NPLOC4: variants seen among roughly 807,000 people sequenced by gnomAD.
NPLOC4 encodes the protein NPL4 homolog, ubiquitin recognition factor.
A neutral mutation model predicts 80.6 loss-of-function variants in NPLOC4; 18 were observed. The ratio of observed to expected loss-of-function variants is 0.22; its 90% confidence interval spans 0.15 to 0.33. NPLOC4 has a LOEUF of 0.33. Among genes scored for constraint, NPLOC4 ranks in the 10% least tolerant of loss-of-function variants. The pLI is 1.00. For synonymous variants in NPLOC4, 313 were observed against 301.5 expected, an observed-to-expected ratio of 1.04 and a Z score of -0.39; for missense variants, 540 against 786.1, an observed-to-expected ratio of 0.69 and a Z score of 3.74.
chr17:81,637,085 G>A lies in NPLOC4; in HGVS notation c.-155C>T, dbSNP rs1191025535. ...CTTCGCCCGCCCGGCTCCGCCAGCC[G>A]CCGACGTCCCGGTGCCTCGCTCAAT... On this transcript the variant is annotated 5_prime_UTR_variant, in exon 1 of 17. Transcript: ENST00000331134. 5.4e-6 allele frequency: 2 copies of A among 369,718 alleles called. No homozygotes were observed. The highest frequency in any genetic ancestry group is 9.1e-6 in the Non-Finnish European group (2 of 218,712). The allele number at this position is 369,718 out of a possible 1,614,324, so 22.9% of individuals were successfully genotyped here.
At chr17:81,611,959 CAAA>C (rs11401963) in intron 4 of NPLOC4, among the ~76,000 whole-genome samples, 8 of 104,260 alleles carry the variant, frequency 7.7e-5, no homozygotes, top group Admixed American at 4.2e-4. Flanking sequence ...GAGTCCATCT[CAAA>C]AAAAAAAAAA....
At chr17:81,583,213 T>C (rs1371088949) in intron 12 of NPLOC4, among the ~76,000 whole-genome samples, 1 of 152,272 alleles carries the variant, frequency 6.6e-6, no homozygotes, top group African/African-American at 2.4e-5. Flanking sequence ...ATTTTGAAGA[T>C]ATACAAAGAT....
intron 12 of NPLOC4, among the ~76,000 whole-genome samples, chr17:81,582,462 T>C (rs560471073): frequency 6.6e-6 from 1 of 152,300 alleles, no homozygotes; most frequent in East Asian, 1.9e-4. Context: ...AGTACAGTGG[T>C]ACAATCATAG....
chr17:81,606,065 G>T (rs371459339), intron 7 of NPLOC4, among the ~76,000 whole-genome samples: 1 of 151,344 alleles, frequency 6.6e-6, no homozygotes, highest in Non-Finnish European at 1.5e-5. Flanking sequence ...CAGGTGATCC[G>T]CCCACCTCAA....
intron 3 of NPLOC4, among the ~76,000 whole-genome samples, chr17:81,619,903 C>T (rs1295488762): frequency 2.6e-5 from 4 of 151,312 alleles, no homozygotes; most frequent in African/African-American, 9.7e-5. Flanking sequence ...GGTGGGGGTA[C>T]AGCACCCCAT....
chr17:81,596,869 C>T (rs1351412111), intron 10 of NPLOC4, among the ~76,000 whole-genome samples: 5 of 152,114 alleles, frequency 3.3e-5, no homozygotes, highest in Non-Finnish European at 7.4e-5. Context: ...AATCCCAGCA[C>T]TCTGGGAGGC....
At chr17:81,598,514 C>T (rs755654201) in intron 9 of NPLOC4, among the ~76,000 whole-genome samples, 37 of 152,160 alleles carry the variant, frequency 2.4e-4, no homozygotes, top group Non-Finnish European at 4.7e-4. Flanking sequence ...GCACATAATA[C>T]AAAAGGGGTA....
chr17:81,628,795 G>A (rs2035861530), intron 2 of NPLOC4, among the ~76,000 whole-genome samples: 1 of 152,110 alleles, frequency 6.6e-6, no homozygotes, highest in African/African-American at 2.4e-5. Flanking sequence ...AAACTGTCAT[G>A]GGAATCCTGG....
intron 7 of NPLOC4, among the ~76,000 whole-genome samples, chr17:81,605,048 C>G (rs1450882588): frequency 6.6e-6 from 1 of 151,848 alleles, no homozygotes; most frequent in Non-Finnish European, 1.5e-5. Context: ...ATCATGAGGT[C>G]AGGAGATCAA....
chr17:81,578,641 C>T (rs914684444), intron 12 of NPLOC4, among the ~76,000 whole-genome samples: 11 of 152,102 alleles, frequency 7.2e-5, no homozygotes, highest in Admixed American at 4.6e-4. Context: ...AGAGAAGTGC[C>T]GAGCAAAGGG....
At chr17:81,570,861 T>TC (rs1486486398) in intron 13 of NPLOC4, among the ~76,000 whole-genome samples, 1 of 152,162 alleles carries the variant, frequency 6.6e-6, no homozygotes, top group Non-Finnish European at 1.5e-5. Flanking sequence ...AGCCTGGGCA[T>TC]CACAGAGCAG....
In NPLOC4 at chr17:81,567,556, G is replaced by A. The variant is rs756854746; in HGVS notation, c.1450-23C>T. The A allele has an allele frequency of 1.7e-4, 249 of 1,450,604 alleles. No individual in the cohort carries two copies. Among genetic ancestry groups the A allele is most frequent in the Non-Finnish European group, 2.3e-4 (235 of 1,036,464 alleles). The allele number at this position is 1,450,604 out of a possible 1,614,324, so 89.9% of individuals were successfully genotyped here. A position where few individuals can be genotyped will look rare whatever the true frequency, so the allele number is the denominator to read the frequency against. On this transcript the variant is annotated intron_variant, in intron 14 of 16. Coordinates refer to ENST00000331134, the MANE Select transcript of NPLOC4 (RefSeq NM_017921.4). This position sits in a 1 kb window ranked among gnomAD's most constrained non-coding sequence, Gnocchi z 4.5. Reference sequence around the variant, plus strand: ...GTCCTAGAGGAATGGGAATAAACATGAATGTTCCATACAGTTCCCCAGTGC... The same window carrying A: ...GTCCTAGAGGAATGGGAATAAACATAAATGTTCCATACAGTTCCCCAGTGC...
chr17:81,623,860 A>G (rs1349136037), intron 2 of NPLOC4, among the ~76,000 whole-genome samples: 1 of 152,166 alleles, frequency 6.6e-6, no homozygotes, highest in Admixed American at 6.5e-5. Context: ...CGACTAAATC[A>G]TAAAACGTCC....
intron 12 of NPLOC4, among the ~76,000 whole-genome samples, chr17:81,579,967 C>T (rs2034396403): frequency 6.6e-6 from 1 of 152,114 alleles, no homozygotes; most frequent in Admixed American, 6.5e-5. Flanking sequence ...CTCATCAAAG[C>T]TCCCAACACC....
intron 7 of NPLOC4, 75 bp downstream of exon 7, chr17:81,606,616 A>G (rs1347246640): frequency 2.6e-6 from 4 of 1,523,652 alleles, no homozygotes; most frequent in Non-Finnish European, 3.6e-6. Context: ...ATAGCATTCC[A>G]CTCCAAGGGG....
At chr17:81,616,836 C>T (rs1257665312) in intron 3 of NPLOC4, among the ~76,000 whole-genome samples, 4 of 152,014 alleles carry the variant, frequency 2.6e-5, no homozygotes, top group African/African-American at 7.3e-5. Flanking sequence ...ATTATGAGAC[C>T]GAATATCAAC....
Position 81,567,598 on chromosome 17 carries a change from G to T in NPLOC4, c.1450-65C>A. ...CCCCAGTGCCAGACCCCGAAACAGA[G>T]CTGTTTCCTACTAAGACGCAACTCA... On this transcript the variant is annotated intron_variant, in intron 14 of 16. Transcript: ENST00000331134. This position sits in a 1 kb window ranked among gnomAD's most constrained non-coding sequence, Gnocchi z 4.5. The T allele has an allele frequency of 1.0e-6, 1 of 975,600 alleles. No individual in the cohort carries two copies. The highest frequency in any genetic ancestry group is 1.6e-6 in the Non-Finnish European group (1 of 622,552). 60.4% of individuals were successfully genotyped at this position (975,600 alleles called of 1,614,324 possible). A position where few individuals can be genotyped will look rare whatever the true frequency, so the allele number is the denominator to read the frequency against.
At position 81,558,004 on chromosome 17, in the gene NPLOC4, C is replaced by G. The variant is rs2033699713; in HGVS notation, c.*1255G>C. On this transcript the variant is annotated 3_prime_UTR_variant, in exon 17 of 17. Transcript: ENST00000331134. ...CTAAGCAGTCTGCAGCTGGGCCAGCCTCTCCCGTGGGTGCAGAGCAGCCCA... is the reference window on the plus strand; with the variant it reads ...CTAAGCAGTCTGCAGCTGGGCCAGCGTCTCCCGTGGGTGCAGAGCAGCCCA... 6.6e-6 allele frequency: 1 copy of G among 152,570 alleles called. No individual in the cohort carries two copies. Among genetic ancestry groups the G allele is most frequent in the Admixed American group, 6.5e-5 (1 of 15,288 alleles). The allele number at this position is 152,570 out of a possible 1,614,324, so 9.5% of individuals were successfully genotyped here.
intron 2 of NPLOC4, among the ~76,000 whole-genome samples, chr17:81,622,831 G>A (rs899903019): frequency 5.9e-5 from 9 of 152,058 alleles, no homozygotes; most frequent in Middle Eastern, 3.2e-3. Context: ...GATTACAGGC[G>A]TGAGCCACCA....
Sources: allele counts gnomAD v4.1 joint callset (sites outside exome capture counted in the v4.1 genomes callset), GRCh38; gene constraint gnomAD v4.1.1; non-coding constraint Gnocchi (gnomAD v3.1); transcripts MANE v1.5; gene names NCBI Gene and HGNC (gene_info 2026-07-23, HGNC 2026-07-21).